The following MTAP variants were observed in gnomAD, a reference collection of about 807,000 sequenced individuals.
The protein encoded by MTAP is methylthioadenosine phosphorylase.
A neutral mutation model predicts 33.6 loss-of-function variants in MTAP; 33 were observed. The observed-to-expected ratio is 0.98, with a 90% CI of 0.74 to 1.31. The LOEUF is 1.31. Among genes scored for constraint, MTAP ranks in the 40% most tolerant of loss-of-function variants. The probability of loss-of-function intolerance (pLI) is 0.00; values close to 1 mark genes in which losing one functional copy is unlikely to be tolerated. For missense variants in MTAP, 367 were observed against 360.0 expected (o/e 1.02, Z -0.16); for synonymous variants, 148 against 125.7 (o/e 1.18, Z -1.19).
intron 4 of MTAP, among the ~76,000 whole-genome samples, chr9:21,822,299 A>G (rs1364559299): frequency 2.0e-5 from 3 of 152,266 alleles, no homozygotes; most frequent in East Asian, 3.9e-4. Context: ...ACACTGCTTT[A>G]AATGTGTCCC....
Position 21,820,655 on chromosome 9 carries a change from C to T in MTAP, c.347+2453C>T, listed in dbSNP as rs568809922. Among the ~76,000 whole-genome samples, 41 of 152,220 alleles carry T rather than the reference C, an allele frequency of 2.7e-4. No individual in the cohort carries two copies. In the South Asian group the frequency reaches 7.5e-3, roughly 28 times the overall value. On this transcript the variant is annotated intron_variant, in intron 4 of 7. Transcript: ENST00000644715. ...CCATATGAACTTTAAAGTAGTTTTT[C>T]CCAATTCTGTGAAGAAAGCCATTGG...
In MTAP at chr9:21,865,150, A is replaced by C. The variant is rs1292645055; in HGVS notation, c.*3136A>C. On this transcript the variant is annotated 3_prime_UTR_variant, in exon 8 of 8. Transcript: ENST00000644715. ...ATAATCCCCACATGTTGTGGGAGGG[A>C]CCCAGTGGGAGGTAATTAAATCATG... The C allele has an allele frequency of 3.2e-6, 3 of 941,934 alleles. No individual in the cohort carries two copies. The highest frequency in any genetic ancestry group is 6.2e-5 in the Admixed American group (1 of 16,160). The allele number at this position is 941,934 out of a possible 1,614,324, so 58.3% of individuals were successfully genotyped here. A position where few individuals can be genotyped will look rare whatever the true frequency, so the allele number is the denominator to read the frequency against.
At chr9:21,885,110 A>G (rs1818088926) in intron 1 of MTAP, among the ~76,000 whole-genome samples, 1 of 152,188 alleles carries the variant, frequency 6.6e-6, no homozygotes, top group African/African-American at 2.4e-5. Flanking sequence ...TACTTTATAT[A>G]TAAATTTTAT....
chr9:21,853,180 G>A (rs1343959134), intron 5 of MTAP, among the ~76,000 whole-genome samples: 1 of 152,062 alleles, frequency 6.6e-6, no homozygotes, highest in Non-Finnish European at 1.5e-5. Flanking sequence ...CTTGTCAAGA[G>A]CCATTCATCT....
intron 1 of MTAP, among the ~76,000 whole-genome samples, chr9:21,880,165 TC>T (rs1363654966): frequency 2.0e-5 from 3 of 152,000 alleles, no homozygotes; most frequent in African/African-American, 7.2e-5. Context: ...TCAAGGTGGA[TC>T]CCCCGTAAAG....
intron 4 of MTAP, among the ~76,000 whole-genome samples, chr9:21,833,714 T>C (rs1825029708): frequency 6.6e-6 from 1 of 152,232 alleles, no homozygotes; most frequent in Non-Finnish European, 1.5e-5. Flanking sequence ...CAGACCGTAT[T>C]CTGAAATGTC....
chr9:21,855,398 GA>G (rs1466500773), intron 6 of MTAP, among the ~76,000 whole-genome samples: 1 of 152,218 alleles, frequency 6.6e-6, no homozygotes, highest in Non-Finnish European at 1.5e-5. Flanking sequence ...CGGTTATAAA[GA>G]AATAGAATGG....
At chr9:21,824,820 C>G (rs865847425) in intron 4 of MTAP, among the ~76,000 whole-genome samples, 1 of 152,180 alleles carries the variant, frequency 6.6e-6, no homozygotes, top group Non-Finnish European at 1.5e-5. Context: ...ATCCCCCAGC[C>G]TTGCCGCCGC....
At chr9:21,940,224 CTT>C (rs1819114860), downstream of MTAP, among the ~76,000 whole-genome samples, 1 of 152,216 alleles carries the variant, frequency 6.6e-6, no homozygotes, top group African/African-American at 2.4e-5. Context: ...CTTGGAAAGA[CTT>C]TTTAAATTCT....
At chr9:21,887,346 G>C (rs545952967) in intron 1 of MTAP, among the ~76,000 whole-genome samples, 1 of 151,966 alleles carries the variant, frequency 6.6e-6, no homozygotes, top group Admixed American at 6.5e-5. Flanking sequence ...CCACCTATGA[G>C]TGAGAACATG....
At chr9:21,825,219 G>A (rs1824760657) in intron 4 of MTAP, among the ~76,000 whole-genome samples, 1 of 152,106 alleles carries the variant, frequency 6.6e-6, no homozygotes, top group Admixed American at 6.5e-5. Context: ...GACTGGAGCT[G>A]TTCCTATTAG....
At chr9:21,882,747 A>G (rs998591982) in intron 1 of MTAP, among the ~76,000 whole-genome samples, 2 of 151,012 alleles carry the variant, frequency 1.3e-5, no homozygotes, top group Non-Finnish European at 2.9e-5. Flanking sequence ...TTGTCTCAAT[A>G]AATTTTAAAG....
In MTAP at chr9:21,922,202, G is replaced by A. The variant is rs555677014; in HGVS notation, c.148-8806G>A. Among the ~76,000 whole-genome samples, 3 of 151,926 alleles carry A rather than the reference G, an allele frequency of 2.0e-5. No homozygotes were observed. The highest frequency in any genetic ancestry group is 1.9e-4 in the East Asian group (1 of 5,142). ...AACACTTGACTGGCAAGGGAAAAACGCCTCAAGTGAGCATGCACACAACTT... is the reference window on the plus strand; with the variant it reads ...AACACTTGACTGGCAAGGGAAAAACACCTCAAGTGAGCATGCACACAACTT... On this transcript the variant is annotated intron_variant, in intron 1 of 1. Coordinates refer to the MTAP transcript ENST00000577563. This position sits in a 1 kb window ranked among gnomAD's most constrained non-coding sequence, Gnocchi z 4.8.
chr9:21,883,503 G>T (rs1462373003), intron 1 of MTAP, among the ~76,000 whole-genome samples: 1 of 151,982 alleles, frequency 6.6e-6, no homozygotes, highest in Non-Finnish European at 1.5e-5. Context: ...TAAGCCTACT[G>T]TAGCAGTCTG....
At chr9:21,927,723 C>T (rs1329429559) in intron 1 of MTAP, among the ~76,000 whole-genome samples, 1 of 152,152 alleles carries the variant, frequency 6.6e-6, no homozygotes, top group Non-Finnish European at 1.5e-5. Flanking sequence ...GACCTCAGTG[C>T]AACTAGCTGA....
chr9:21,917,734 C>G (rs542255628), intron 1 of MTAP, among the ~76,000 whole-genome samples: 2 of 152,292 alleles, frequency 1.3e-5, no homozygotes, highest in Admixed American at 6.5e-5. Context: ...AGTAATCCCA[C>G]TACTGAGTAT....
chr9:21,936,986 G>C (rs1241432866), exon 8 of MTAP: 1 of 152,160 alleles, frequency 6.6e-6, no homozygotes, highest in African/African-American at 2.4e-5. Flanking sequence ...AAGGAAGAGA[G>C]ATGACACACA....
intron 1 of MTAP, among the ~76,000 whole-genome samples, chr9:21,906,840 A>G (rs1229912233): frequency 1.3e-5 from 2 of 152,254 alleles, no homozygotes; most frequent in Non-Finnish European, 2.9e-5. Context: ...ACCAGAATAT[A>G]GAGTAAAACA....
At chr9:21,868,228 C>T (rs756580961), downstream of MTAP, among the ~76,000 whole-genome samples, 1 of 152,152 alleles carries the variant, frequency 6.6e-6, no homozygotes, top group Non-Finnish European at 1.5e-5. Context: ...GGAGACCTAG[C>T]TTCATAGCAG....
Sources: allele counts gnomAD v4.1 joint callset (sites outside exome capture counted in the v4.1 genomes callset), GRCh38; gene constraint gnomAD v4.1.1; non-coding constraint Gnocchi (gnomAD v3.1); transcripts MANE v1.5; gene names NCBI Gene and HGNC (gene_info 2026-07-23, HGNC 2026-07-21).